GRIN2A: variants seen among roughly 807,000 people sequenced by gnomAD.
The protein encoded by GRIN2A is glutamate ionotropic receptor NMDA type subunit 2A.
Under a neutral mutation model 113.4 loss-of-function variants are expected in GRIN2A, and 22 were observed. The ratio of observed to expected loss-of-function variants is 0.19; its 90% confidence interval spans 0.14 to 0.28. The LOEUF is 0.28. Ranked by LOEUF, GRIN2A falls within the 10% of genes least tolerant of loss-of-function variation. The pLI, the probability that GRIN2A is intolerant of heterozygous loss-of-function variation, is 1.00. For missense variants in GRIN2A, 1,502 were observed against 1,887.0 expected (o/e 0.80, Z 3.78); for synonymous variants, 827 against 738.4 (o/e 1.12, Z -1.94).
At chr16:9,886,297 T>A (rs547686096) in intron 4 of GRIN2A, among the ~76,000 whole-genome samples, 130 of 151,962 alleles carry the variant, frequency 8.6e-4, no homozygotes, top group Non-Finnish European at 1.5e-3. Flanking sequence ...GCTTTACATG[T>A]GTAAGAGGAA....
At chr16:9,772,867 C>T (rs1901357819) in intron 11 of GRIN2A, among the ~76,000 whole-genome samples, 1 of 141,570 alleles carries the variant, frequency 7.1e-6, no homozygotes, top group African/African-American at 2.7e-5. Context: ...CTGCCCTTTG[C>T]CCAAACAATA....
intron 11 of GRIN2A, among the ~76,000 whole-genome samples, chr16:9,775,215 T>C (rs1901524849): frequency 1.3e-5 from 2 of 152,204 alleles, no homozygotes; most frequent in South Asian, 2.1e-4. Context: ...ATTTTTTTTT[T>C]CTTGGTTTCT....
At chr16:10,112,625 G>T in intron 2 of GRIN2A, 2 of 768,666 alleles carry the variant, frequency 2.6e-6, no homozygotes, top group South Asian at 2.7e-5. Context: ...GCATGGGCTC[G>T]CTAGATGCCA....
rs1439435032 is a variant in GRIN2A at position 9,957,876 on chromosome 16, A to C, written c.415-19325T>G. On this transcript the variant is annotated intron_variant, in intron 2 of 12. Transcript: ENST00000330684. ...GGGCCTCTGCCTGTTGGTTTTCAGC[A>C]GGGTTTTCACATTGGTTGCCCCCAT... 2.6e-5 allele frequency among the ~76,000 whole-genome samples: 4 copies of C among 152,156 alleles called. No homozygotes were observed. The South Asian group carries it at 6.2e-4, about 24-fold the overall frequency.
chr16:9,764,990 G>A (rs2141138874), intron 12 of GRIN2A, 42 bp from the exon 13 acceptor site: 3 of 1,612,196 alleles, frequency 1.9e-6, no homozygotes, highest in Non-Finnish European at 2.5e-6. Flanking sequence ...AGCAGCAGCA[G>A]TGAACATGAA....
intron 3 of GRIN2A, among the ~76,000 whole-genome samples, chr16:9,907,806 C>T (rs1441278224): frequency 2.6e-5 from 4 of 152,130 alleles, no homozygotes; most frequent in African/African-American, 9.7e-5. Flanking sequence ...CTCAAAACTC[C>T]CCTCACTTCC....
chr16:9,976,398 G>T (rs1426180860), intron 2 of GRIN2A, among the ~76,000 whole-genome samples: 3 of 152,112 alleles, frequency 2.0e-5, no homozygotes, highest in African/African-American at 7.2e-5. Flanking sequence ...GACACTAACT[G>T]GTCTCCTGTA....
intron 2 of GRIN2A, among the ~76,000 whole-genome samples, chr16:10,003,085 A>G (rs2046348391): frequency 6.6e-6 from 1 of 152,250 alleles, no homozygotes. Context: ...CTCTTGATGC[A>G]TGGGAAGCGA....
chr16:9,850,493 T>C (rs896292353), intron 4 of GRIN2A, among the ~76,000 whole-genome samples: 5 of 152,088 alleles, frequency 3.3e-5, no homozygotes, highest in African/African-American at 1.2e-4. Flanking sequence ...CCATATTGTT[T>C]CTAAGTATAA....
intron 2 of GRIN2A, among the ~76,000 whole-genome samples, chr16:9,957,069 C>T (rs996520238): frequency 3.9e-5 from 6 of 152,164 alleles, no homozygotes; most frequent in Non-Finnish European, 7.3e-5. Context: ...TCCCTGGCTG[C>T]TAATCAGAGA....
At chr16:9,927,406 T>G (rs1596601282) in intron 3 of GRIN2A, among the ~76,000 whole-genome samples, 1 of 152,148 alleles carries the variant, frequency 6.6e-6, no homozygotes, top group Non-Finnish European at 1.5e-5. Context: ...TCCCAGGTGT[T>G]ACCAGCAAAC....
intron 11 of GRIN2A, among the ~76,000 whole-genome samples, chr16:9,795,804 G>A (rs1290278920): frequency 6.6e-6 from 1 of 152,190 alleles, no homozygotes; most frequent in East Asian, 1.9e-4. Context: ...TTGTAAATGG[G>A]ACAGTAGATT....
chr16:10,128,074 G>A (rs1346412660), intron 2 of GRIN2A, among the ~76,000 whole-genome samples: 1 of 152,192 alleles, frequency 6.6e-6, no homozygotes, highest in Non-Finnish European at 1.5e-5. Context: ...GGCTCAGTGA[G>A]CTTCCCTTGT....
intron 11 of GRIN2A, among the ~76,000 whole-genome samples, chr16:9,776,530 C>T (rs1477273288): frequency 6.6e-6 from 1 of 151,878 alleles, no homozygotes; most frequent in Non-Finnish European, 1.5e-5. Context: ...TTTGAGAAGC[C>T]CCAGGCAAAG....
At chr16:10,095,373 C>T (rs545043390) in intron 2 of GRIN2A, among the ~76,000 whole-genome samples, 1 of 151,880 alleles carries the variant, frequency 6.6e-6, no homozygotes, top group African/African-American at 2.4e-5. Flanking sequence ...AAATCTGAGA[C>T]AATTTAAGCA....
At chr16:9,769,849 T>C (rs1468163222) in intron 11 of GRIN2A, among the ~76,000 whole-genome samples, 4 of 152,186 alleles carry the variant, frequency 2.6e-5, no homozygotes, top group Non-Finnish European at 5.9e-5. Context: ...TGTTTCTTTT[T>C]CTCTCTCTCT....
rs1900648215 is a variant in GRIN2A at position 9,762,890 on chromosome 16, G to C, written c.*259C>G. The C allele has an allele frequency of 3.6e-6, 2 of 558,202 alleles. No individual in the cohort carries two copies. The highest frequency in any genetic ancestry group is 6.4e-6 in the Non-Finnish European group (2 of 312,578). The allele number at this position is 558,202 out of a possible 1,614,324, so 34.6% of individuals were successfully genotyped here. A position where few individuals can be genotyped will look rare whatever the true frequency, so the allele number is the denominator to read the frequency against. ...CCCAGTAGGCATGTCCCGGAGACTT[G>C]CCCTTATGTAGTTAGTTATTTTTGG... On this transcript the variant is annotated 3_prime_UTR_variant, in exon 13 of 13. Coordinates refer to ENST00000330684, the MANE Select transcript of GRIN2A (RefSeq NM_001134407.3).
rs1179454287 is a variant in GRIN2A, at chr16:9,990,654, T to C, written c.415-52103A>G. The stretch of plus-strand genomic sequence containing the variant: ...TACTGACTCAACAGTCTCAACTATG[T>C]TCTTACATTGGCATTTTTTTTTTTC... On this transcript the variant is annotated intron_variant, in intron 2 of 12. Coordinates refer to ENST00000330684, the MANE Select transcript of GRIN2A (RefSeq NM_001134407.3). Among the ~76,000 whole-genome samples the C allele has an allele frequency of 4.8e-5, 7 of 145,586 alleles. 1 individual carries two copies. In the East Asian group the frequency reaches 1.3e-3, roughly 26 times the overall value.
At chr16:10,111,550 C>G (rs866032557) in intron 2 of GRIN2A, 3 of 794,768 alleles carry the variant, frequency 3.8e-6, no homozygotes, top group Non-Finnish European at 6.7e-6. Flanking sequence ...AGCCCTGACC[C>G]GGAAGATCAT....
Sources: gnomAD v4.1 joint callset for allele counts (sites outside exome capture counted in the v4.1 genomes callset) on GRCh38, gnomAD v4.1.1 for gene constraint, MANE v1.5 for transcripts, NCBI Gene and HGNC (gene_info 2026-07-23, HGNC 2026-07-21) for gene names.